CTBP2: variants seen among roughly 807,000 people sequenced by gnomAD.
The protein encoded by CTBP2 is C-terminal binding protein 2.
CTBP2 carries 30 observed loss-of-function variants against 80.3 expected under a neutral mutation model. That is an observed-to-expected ratio of 0.37 (90% CI 0.28 to 0.51). CTBP2 has a LOEUF of 0.51. Among genes scored for constraint, CTBP2 ranks in the 20% least tolerant of loss-of-function variants. The pLI is 0.93. For missense variants in CTBP2, 1,212 were observed against 1,375.3 expected, an observed-to-expected ratio of 0.88 and a Z score of 1.88; for synonymous variants, 594 against 587.4, an observed-to-expected ratio of 1.01 and a Z score of -0.16.
In CTBP2 at chr10:124,994,457, T is replaced by C. The variant is rs1953182020; in HGVS notation, c.2400+12A>G. ...TCGACAGAAGCTTCCATGGCATCTA[T>C]TTTCAAATTACCTGCTTTATGGTAA... On this transcript the variant is annotated intron_variant, in intron 5 of 8. Coordinates refer to ENST00000309035, the MANE Select transcript of CTBP2 (RefSeq NM_022802.3). 1.2e-6 allele frequency: 2 copies of C among 1,613,296 alleles called. No homozygotes were observed. Among genetic ancestry groups the C allele is most frequent in the African/African-American group, 2.7e-5 (2 of 75,042 alleles).
intron 2 of CTBP2, among the ~76,000 whole-genome samples, chr10:125,090,491 G>C (rs1021094171): frequency 6.6e-6 from 1 of 151,312 alleles, no homozygotes; most frequent in African/African-American, 2.4e-5. Context: ...GGGCCAGCGT[G>C]GTGGCTCACA....
chr10:125,028,459 A>G (rs1028811322), upstream of CTBP2, among the ~76,000 whole-genome samples: 1 of 152,270 alleles, frequency 6.6e-6, no homozygotes, highest in Admixed American at 6.5e-5. Flanking sequence ...ACGTGATCCT[A>G]GGCCATGGAT....
In CTBP2 at chr10:124,992,218, T is replaced by TC. The variant is rs1237928728; in HGVS notation, c.2777+476_2777+477insG. The stretch of plus-strand genomic sequence containing the variant: ...TTCTCTTTGAGAAGCCCTTTTTTTT[T>TC]TTTTTTTTTTGGTGGTGGGGTGGGG... On this transcript the variant is annotated intron_variant, in intron 8 of 8. Coordinates refer to ENST00000309035, the MANE Select transcript of CTBP2 (RefSeq NM_022802.3). Among the ~76,000 whole-genome samples the TC allele has an allele frequency of 4.7e-5, 7 of 148,822 alleles. No individual in the cohort carries two copies. The East Asian group carries it at 1.4e-3, about 29-fold the overall frequency.
intron 2 of CTBP2, among the ~76,000 whole-genome samples, chr10:125,060,463 C>A (rs554276273): frequency 3.4e-5 from 5 of 147,854 alleles, no homozygotes; most frequent in African/African-American, 1.2e-4. Flanking sequence ...ATTCCCCCCA[C>A]GTGTGTGTGT....
intron 3 of CTBP2, among the ~76,000 whole-genome samples, chr10:125,037,766 C>G (rs2937999): frequency 0.61 from 92,462 of 152,088 alleles, 29,479 homozygotes; most frequent in African/African-American, 0.79. Context: ...GGGAGCAGTA[C>G]GAAATTGGAT....
chr10:125,023,863 T>C (rs1957288790), intron 1 of CTBP2, among the ~76,000 whole-genome samples: 1 of 152,092 alleles, frequency 6.6e-6, no homozygotes, highest in African/African-American at 2.4e-5. Context: ...CTATAAGCAG[T>C]GCAACACCGC....
intron 1 of CTBP2, among the ~76,000 whole-genome samples, chr10:125,158,922 G>A (rs577877902): frequency 6.6e-5 from 10 of 152,126 alleles, no homozygotes; most frequent in African/African-American, 1.7e-4. Flanking sequence ...GCGCGCGTGT[G>A]TGTCTCGGCG....
intron 2 of CTBP2, among the ~76,000 whole-genome samples, chr10:125,053,353 A>C (rs184710042): frequency 2.0e-5 from 3 of 152,352 alleles, no homozygotes; most frequent in African/African-American, 4.8e-5. Context: ...TGGCAACCTC[A>C]CTGCCCGCCG....
chr10:125,075,349 C>T (rs1275738195), intron 2 of CTBP2, among the ~76,000 whole-genome samples: 6 of 152,114 alleles, frequency 3.9e-5, no homozygotes, highest in African/African-American at 1.4e-4. Context: ...GGCCATGAGG[C>T]TCTACCCCCA....
At chr10:125,159,543 CA>C (rs1417815784) in intron 1 of CTBP2, among the ~76,000 whole-genome samples, 1 of 149,604 alleles carries the variant, frequency 6.7e-6, no homozygotes, top group Non-Finnish European at 1.5e-5. Flanking sequence ...CCGGAGGAGC[CA>C]ACAATGCGGG....
intron 2 of CTBP2, among the ~76,000 whole-genome samples, chr10:125,057,801 C>T (rs2135297684): frequency 6.6e-6 from 1 of 152,310 alleles, no homozygotes; most frequent in Admixed American, 6.5e-5. Flanking sequence ...TCCAGCTTAC[C>T]TTTTAAACAC....
intron 2 of CTBP2, among the ~76,000 whole-genome samples, chr10:125,071,510 A>C (rs182958975): frequency 8.5e-5 from 13 of 152,360 alleles, no homozygotes; most frequent in Admixed American, 7.2e-4. Context: ...AACAAGGCGA[A>C]GGGGTCCCAC....
chr10:125,155,440 C>A (rs1335620950), intron 1 of CTBP2, among the ~76,000 whole-genome samples: 1 of 151,770 alleles, frequency 6.6e-6, no homozygotes, highest in Non-Finnish European at 1.5e-5. Context: ...CCCTTCTTTT[C>A]ACAGGCGAAG....
chr10:125,027,589 T>TAC lies in CTBP2; in HGVS notation c.170_171insGT (p.Gln58TyrfsTer42). 1 of 1,614,100 alleles carries TAC rather than the reference T, an allele frequency of 6.2e-7. No individual in the cohort carries two copies. The highest frequency in any genetic ancestry group is 8.5e-7 in the Non-Finnish European group (1 of 1,180,032). ...CGGCCACGGGCAGGGCAGCGTCCTGTGGTCGGTGGTTTGGCTCAAACCAAG... is the reference window on the plus strand; with the variant it reads ...CGGCCACGGGCAGGGCAGCGTCCTGTACGGTCGGTGGTTTGGCTCAAACCAAG... On this transcript the variant is annotated frameshift_variant, in exon 1 of 9. Transcript: ENST00000309035. LOFTEE classifies it high-confidence loss of function.
intron 2 of CTBP2, among the ~76,000 whole-genome samples, chr10:125,091,788 C>T (rs1590708780): frequency 6.6e-6 from 1 of 152,042 alleles, no homozygotes; most frequent in East Asian, 1.9e-4. Context: ...CAAAAAAACC[C>T]AAACATATAT....
intron 2 of CTBP2, among the ~76,000 whole-genome samples, chr10:125,055,928 A>C (rs1181410278): frequency 6.6e-6 from 1 of 152,120 alleles, no homozygotes; most frequent in African/African-American, 2.4e-5. Flanking sequence ...GCACTTTGGG[A>C]GGCCGAGGTG....
At chr10:125,005,943 A>T in intron 1 of CTBP2, 1 of 1,496,694 alleles carries the variant, frequency 6.7e-7, no homozygotes, top group Admixed American at 2.3e-5. Context: ...CACACAGGAA[A>T]ACCACGCTGG....
At chr10:124,995,067 T>C (rs1953287380) in intron 4 of CTBP2, among the ~76,000 whole-genome samples, 1 of 152,196 alleles carries the variant, frequency 6.6e-6, no homozygotes. Flanking sequence ...CACTGCAGGC[T>C]TCTTAACATG....
At chr10:125,000,129 T>C (rs986284903) in intron 3 of CTBP2, 2 of 152,316 alleles carry the variant, frequency 1.3e-5, no homozygotes, top group Admixed American at 1.3e-4. Flanking sequence ...GTGGTTCCAC[T>C]GCTCACCGGA....
Sources: allele counts gnomAD v4.1 joint callset (sites outside exome capture counted in the v4.1 genomes callset), GRCh38; gene constraint gnomAD v4.1.1; transcripts MANE v1.5; gene names NCBI Gene and HGNC (gene_info 2026-07-23, HGNC 2026-07-21).